Variants in CAST observed in about 807,000 individuals in gnomAD.
CAST encodes the protein MIR583 host.
In CAST, 76 loss-of-function variants were observed where a neutral mutation model predicts 119.6. That is an observed-to-expected ratio of 0.64 (90% confidence interval 0.53 to 0.77). The LOEUF (loss-of-function observed/expected upper bound fraction) is 0.77, where lower values mean the gene tolerates loss of function less well. Ranked by LOEUF, CAST falls within the 30% of genes least tolerant of loss-of-function variation. CAST has a pLI of 0.00. For synonymous variants in CAST, 319 were observed against 331.6 expected (o/e 0.96, Z 0.41); for missense variants, 953 against 946.5 (o/e 1.01, Z -0.09).
the CAST span, among the ~76,000 whole-genome samples, chr5:96,133,111 A>G: frequency 6.6e-6 from 1 of 152,226 alleles, no homozygotes; most frequent in African/African-American, 2.4e-5. Flanking sequence ...GAAGAAACAG[A>G]AAGTGTTTTA....
chr5:96,523,994 C>T (rs1271888091), upstream of CAST, among the ~76,000 whole-genome samples: 1 of 152,182 alleles, frequency 6.6e-6, no homozygotes, highest in East Asian at 1.9e-4. Flanking sequence ...AGGAAGAAAA[C>T]AAGAGTATAC....
the CAST span, among the ~76,000 whole-genome samples, chr5:96,444,707 T>C: frequency 6.6e-6 from 1 of 152,220 alleles, no homozygotes; most frequent in Admixed American, 6.5e-5. Flanking sequence ...TGTCTGAGAA[T>C]ATTAATGCTA....
At chr5:96,625,215 G>GT (rs1163109013) in intron 1 of CAST, among the ~76,000 whole-genome samples, 2 of 152,076 alleles carry the variant, frequency 1.3e-5, no homozygotes, top group Non-Finnish European at 2.9e-5. Context: ...AGGACTACTA[G>GT]TTAGTATAGA....
At chr5:95,996,292 A>G in the CAST span, among the ~76,000 whole-genome samples, 1 of 152,150 alleles carries the variant, frequency 6.6e-6, no homozygotes, top group Non-Finnish European at 1.5e-5. Context: ...GTGATACTGA[A>G]TCCTAAGACA....
In CAST at chr5:96,750,634, G is replaced by A; in HGVS notation, c.1476G>A (p.Arg492=). 1 of 1,613,452 alleles carries A rather than the reference G, an allele frequency of 6.2e-7. No individual in the cohort carries two copies. The highest frequency in any genetic ancestry group is 8.5e-7 in the Non-Finnish European group (1 of 1,179,610). Residue 492 remains arginine (R), a synonymous_variant, in exon 20 of 32, where the codon CGG becomes CGA. Coordinates refer to ENST00000675179, the MANE Select transcript of CAST (RefSeq NM_001750.7). The part of the protein sequence containing the change: ...APAPVSEAVC[R]TSMCSIQSAP... ...CTCCTGTGTCGGAGGCTGTGTGTCG[G>A]ACCTCCATGTGTAGTATACAGTCAG...
At chr5:96,491,563 T>C in the CAST span, among the ~76,000 whole-genome samples, 1 of 148,068 alleles carries the variant, frequency 6.8e-6, no homozygotes, top group Admixed American at 6.7e-5. Context: ...GATGAGGTTA[T>C]GTACCGCATG....
At chr5:96,140,868 C>T in the CAST span, among the ~76,000 whole-genome samples, 1 of 152,150 alleles carries the variant, frequency 6.6e-6, no homozygotes, top group African/African-American at 2.4e-5. Flanking sequence ...ATATATTTCT[C>T]TATTGTAACA....
the CAST span, among the ~76,000 whole-genome samples, chr5:96,167,772 T>G: frequency 6.6e-6 from 1 of 152,102 alleles, no homozygotes; most frequent in Non-Finnish European, 1.5e-5. Context: ...ACCCATCCAG[T>G]GAAAGTGTCT....
chr5:96,209,665 A>G, the CAST span, among the ~76,000 whole-genome samples: 1 of 77,260 alleles, frequency 1.3e-5, no homozygotes, highest in Non-Finnish European at 2.5e-5. Context: ...ACCCCACCCA[A>G]TCTCTTCTGG....
chr5:96,002,508 T>A, the CAST span, among the ~76,000 whole-genome samples: 1,297 of 152,332 alleles, frequency 8.5e-3, 8 homozygotes, highest in Middle Eastern at 0.024. Flanking sequence ...TTGGGATCCA[T>A]ATACTGGATC....
the CAST span, among the ~76,000 whole-genome samples, chr5:96,495,703 T>C: frequency 6.6e-6 from 1 of 152,236 alleles, no homozygotes; most frequent in Non-Finnish European, 1.5e-5. Flanking sequence ...GTCTTTGCTA[T>C]TGTAAATAGT....
the CAST span, among the ~76,000 whole-genome samples, chr5:96,441,638 G>T: frequency 9.9e-5 from 15 of 152,130 alleles, no homozygotes; most frequent in East Asian, 2.5e-3. Context: ...GAAAAAAAGG[G>T]ACTATGTAAA....
intron 2 of CAST, 190 bp from the exon 3 acceptor site, chr5:96,695,646 T>G (rs1753194160): frequency 2.2e-6 from 1 of 454,598 alleles, no homozygotes; most frequent in Non-Finnish European, 4.2e-6. Flanking sequence ...CAACTTACTC[T>G]TCATTTCAAT....
intron 2 of CAST, among the ~76,000 whole-genome samples, chr5:96,692,942 T>C (rs1202044994): frequency 3.3e-5 from 5 of 152,188 alleles, no homozygotes; most frequent in Non-Finnish European, 7.4e-5. Flanking sequence ...CAAATGAATA[T>C]GTGAAGTCAG....
At chr5:96,305,589 T>C in the CAST span, among the ~76,000 whole-genome samples, 1 of 152,116 alleles carries the variant, frequency 6.6e-6, no homozygotes, top group Non-Finnish European at 1.5e-5. Flanking sequence ...TGGCTCTGGG[T>C]TTGTTGTAAA....
chr5:96,196,171 A>G, the CAST span, among the ~76,000 whole-genome samples: 1 of 152,194 alleles, frequency 6.6e-6, no homozygotes, highest in Non-Finnish European at 1.5e-5. Flanking sequence ...CAGGCATAAG[A>G]AACTAGACAG....
the CAST span, among the ~76,000 whole-genome samples, chr5:96,068,601 G>GTGTA: frequency 6.6e-6 from 1 of 150,446 alleles, no homozygotes; most frequent in African/African-American, 2.5e-5. Flanking sequence ...TTATGTGTGT[G>GTGTA]TGTGTGTGTG....
the CAST span, among the ~76,000 whole-genome samples, chr5:96,147,380 G>A: frequency 3.2e-4 from 49 of 152,218 alleles, no homozygotes; most frequent in East Asian, 8.3e-3. Flanking sequence ...CGAGGCGGGC[G>A]GATCACGAGG....
chr5:96,696,660 G>A (rs79558138), intron 3 of CAST, among the ~76,000 whole-genome samples: 1,570 of 118,384 alleles, frequency 0.013, 28 homozygotes, highest in African/African-American at 0.043. Flanking sequence ...ACCAGCTTGA[G>A]CAACATAGTA....
Sources: allele counts gnomAD v4.1 joint callset (sites outside exome capture counted in the v4.1 genomes callset), GRCh38; gene constraint gnomAD v4.1.1; transcripts MANE v1.5; gene names NCBI Gene and HGNC (gene_info 2026-07-23, HGNC 2026-07-21).